Variants in KCNN2 observed in about 807,000 individuals in gnomAD.
KCNN2 encodes the protein small conductance calcium-activated potassium channel protein 2.
Under a neutral mutation model 55.5 loss-of-function variants are expected in KCNN2, and 24 were observed. The observed-to-expected ratio is 0.43, with a 90% confidence interval of 0.31 to 0.61. The LOEUF (loss-of-function observed/expected upper bound fraction) is 0.61, where lower values mean the gene tolerates loss of function less well. KCNN2 is among the 20% of genes least tolerant of loss of function. The pLI is 0.08. For synonymous variants in KCNN2, 431 were observed against 336.1 expected (o/e 1.28, Z -3.09); for missense variants, 754 against 853.6 (o/e 0.88, Z 1.45).
intron 1 of KCNN2, among the ~76,000 whole-genome samples, chr5:114,193,841 GTTT>G (rs1561517230): frequency 6.6e-6 from 1 of 152,012 alleles, no homozygotes; most frequent in African/African-American, 2.4e-5. Context: ...GTAAGTGTGT[GTTT>G]TTATTTTCTT....
At chr5:114,274,040 T>G (rs1251575633) in intron 2 of KCNN2, among the ~76,000 whole-genome samples, 1 of 152,194 alleles carries the variant, frequency 6.6e-6, no homozygotes, top group Admixed American at 6.5e-5. Flanking sequence ...AGGGGTCCAG[T>G]TTCAGTTTTC....
At chr5:114,335,024 C>T (rs555021521) in intron 2 of KCNN2, among the ~76,000 whole-genome samples, 1 of 152,008 alleles carries the variant, frequency 6.6e-6, no homozygotes, top group Non-Finnish European at 1.5e-5. Context: ...TCTGGGTTCA[C>T]GCCATTCTCC....
At chr5:114,352,967 C>A (rs1393958182) in intron 2 of KCNN2, among the ~76,000 whole-genome samples, 2 of 151,828 alleles carry the variant, frequency 1.3e-5, no homozygotes, top group African/African-American at 2.4e-5. Context: ...GCTGTTCTAA[C>A]CATTATTAAA....
chr5:114,237,134 G>A (rs879133397), intron 2 of KCNN2, among the ~76,000 whole-genome samples: 1 of 152,040 alleles, frequency 6.6e-6, no homozygotes, highest in Non-Finnish European at 1.5e-5. Flanking sequence ...GGAGCTATGT[G>A]ATTGTTCAGC....
intron 1 of KCNN2, among the ~76,000 whole-genome samples, chr5:114,185,463 A>T (rs1436574952): frequency 6.6e-6 from 1 of 152,224 alleles, no homozygotes; most frequent in Admixed American, 6.5e-5. Flanking sequence ...TGACATTTGC[A>T]GCAGGGAGGA....
chr5:114,182,623 T>G (rs59324007), intron 1 of KCNN2, among the ~76,000 whole-genome samples: 8,476 of 152,196 alleles, frequency 0.056, 811 homozygotes, highest in African/African-American at 0.19. Flanking sequence ...ATTGTATGTG[T>G]TTTTGCACAA....
At chr5:114,263,961 C>G (rs1344591193) in intron 2 of KCNN2, among the ~76,000 whole-genome samples, 5 of 152,198 alleles carry the variant, frequency 3.3e-5, no homozygotes, top group Non-Finnish European at 7.3e-5. Context: ...GCAAGGCTCT[C>G]TGAGCTTCTT....
At chr5:114,406,888 T>A (rs60765010) in intron 3 of KCNN2, among the ~76,000 whole-genome samples, 6,378 of 152,200 alleles carry the variant, frequency 0.042, 471 homozygotes, top group African/African-American at 0.15. Flanking sequence ...ATCTTGCAGA[T>A]ATGGGAGTCT....
chr5:114,335,068 C>T (rs928445523), intron 2 of KCNN2, among the ~76,000 whole-genome samples: 15 of 152,248 alleles, frequency 9.9e-5, no homozygotes, highest in African/African-American at 2.6e-4. Context: ...GGACTACAGG[C>T]GCCCGCCTCC....
intron 1 of KCNN2, among the ~76,000 whole-genome samples, chr5:114,067,352 C>A (rs1259562113): frequency 6.6e-6 from 1 of 152,192 alleles, no homozygotes; most frequent in East Asian, 1.9e-4. Flanking sequence ...TCACCCCAGA[C>A]TGGCTCAGTT....
chr5:114,478,998 C>T (rs957339511), intron 5 of KCNN2, among the ~76,000 whole-genome samples: 1 of 151,608 alleles, frequency 6.6e-6, no homozygotes, highest in Non-Finnish European at 1.5e-5. Flanking sequence ...AGCAACTCTT[C>T]AAAATAACCA....
intron 1 of KCNN2, among the ~76,000 whole-genome samples, chr5:114,153,496 A>G (rs1752568064): frequency 6.6e-6 from 1 of 152,204 alleles, no homozygotes; most frequent in South Asian, 2.1e-4. Context: ...AGAGACAAAA[A>G]AAAACTGTAT....
At chr5:114,382,172 C>T (rs1429124743) in intron 2 of KCNN2, among the ~76,000 whole-genome samples, 3 of 152,150 alleles carry the variant, frequency 2.0e-5, no homozygotes, top group African/African-American at 7.2e-5. Context: ...GAAGACCTGG[C>T]ATATATTTTC....
Position 114,363,220 on chromosome 5 carries a change from A to G in KCNN2, c.1081A>G (p.Met361Val). 3 of 1,613,146 alleles carry G rather than the reference A, an allele frequency of 1.9e-6. No homozygotes were observed. Among genetic ancestry groups the G allele is most frequent in the Non-Finnish European group, 2.5e-6 (3 of 1,179,942 alleles). ...LIFGMFGIVV[M>V]VIETELSWGA... Reference sequence around the variant, plus strand: ...CTTCGGCATGTTCGGCATCGTGGTCATGGTCATCGAGACCGAGCTGTCGTG... The same window carrying G: ...CTTCGGCATGTTCGGCATCGTGGTCGTGGTCATCGAGACCGAGCTGTCGTG... Residue 361 changes from methionine (M) to valine (V), a missense_variant, in exon 1 of 8, where the codon ATG becomes GTG. Physicochemically the swap from Met to Val is conservative, Grantham distance 21. Coordinates refer to ENST00000673685, the MANE Select transcript of KCNN2 (RefSeq NM_021614.4).
intron 1 of KCNN2, among the ~76,000 whole-genome samples, chr5:114,220,162 G>A (rs1754102197): frequency 6.6e-6 from 1 of 152,068 alleles, no homozygotes; most frequent in African/African-American, 2.4e-5. Flanking sequence ...AATGTTGCAA[G>A]CCAAACCTAT....
intron 2 of KCNN2, among the ~76,000 whole-genome samples, chr5:114,368,725 T>C (rs1396998999): frequency 6.6e-6 from 1 of 152,222 alleles, no homozygotes; most frequent in Non-Finnish European, 1.5e-5. Context: ...CTCTCAGTCA[T>C]GTTTCTCAGA....
upstream of KCNN2, among the ~76,000 whole-genome samples, chr5:114,360,029 C>CAGAACAAAAATAGTAATAGATGATA (rs1757373441): frequency 6.6e-6 from 1 of 152,108 alleles, no homozygotes. Flanking sequence ...TTTGAAGATA[C>CAGAACAAAAATAGTAATAGATGATA]AGAACAAAAA....
chr5:114,413,258 G>C (rs1463237966), intron 3 of KCNN2, among the ~76,000 whole-genome samples: 1 of 152,030 alleles, frequency 6.6e-6, no homozygotes, highest in Non-Finnish European at 1.5e-5. Flanking sequence ...ATGTAGATAT[G>C]CTTCTTGTTT....
rs528534759 is a variant in KCNN2, at chr5:114,072,076, T to C, written c.-271+15576T>C. 1.3e-4 allele frequency among the ~76,000 whole-genome samples: 20 copies of C among 152,262 alleles called. No homozygotes were observed. The East Asian group carries it at 3.7e-3, about 28-fold the overall frequency. ...GGGAGGCCAAGGTGGGTGGATCACCTGAGGTCGGGAGTTCAAGACCAGCCT... is the reference window on the plus strand; with the variant it reads ...GGGAGGCCAAGGTGGGTGGATCACCCGAGGTCGGGAGTTCAAGACCAGCCT... On this transcript the variant is annotated intron_variant, in intron 1 of 10. Transcript: ENST00000512097.
Sources: gnomAD v4.1 joint callset for allele counts (sites outside exome capture counted in the v4.1 genomes callset) on GRCh38, gnomAD v4.1.1 for gene constraint, MANE v1.5 for transcripts, NCBI Gene and HGNC (gene_info 2026-07-23, HGNC 2026-07-21) for gene names.